The following STYK1 variants were observed in gnomAD, a reference collection of about 807,000 sequenced individuals.
The protein encoded by STYK1 is STY kinase 1.
A neutral mutation model predicts 48.1 loss-of-function variants in STYK1; 46 were observed. The ratio of observed to expected loss-of-function variants is 0.96; its 90% confidence interval spans 0.75 to 1.22. The LOEUF is 1.22. STYK1 is among the 50% of genes most tolerant of loss of function. The probability of loss-of-function intolerance (pLI) is 0.00; values close to 1 mark genes in which losing one functional copy is unlikely to be tolerated. For synonymous variants in STYK1, 188 were observed against 189.0 expected, an observed-to-expected ratio of 0.99 and a Z score of 0.04; for missense variants, 527 against 521.1, an observed-to-expected ratio of 1.01 and a Z score of -0.11.
rs78173817 is a variant in STYK1 at position 10,647,288 on chromosome 12, T to C, written c.-194-10092A>G. 5.9e-4 allele frequency among the ~76,000 whole-genome samples: 90 copies of C among 152,288 alleles called. No individual in the cohort carries two copies. In the East Asian group the frequency reaches 0.016, roughly 27 times the overall value. On this transcript the variant is annotated intron_variant, in intron 1 of 10. Transcript: ENST00000075503. Reference sequence around the variant, plus strand: ...TCAGCAGCAGAGCTGCCCAAGACCATGGGAACCCCCCTCTGGAATCACCAT... The same window carrying C: ...TCAGCAGCAGAGCTGCCCAAGACCACGGGAACCCCCCTCTGGAATCACCAT...
intron 1 of STYK1, among the ~76,000 whole-genome samples, chr12:10,647,087 C>T (rs1021989153): frequency 1.3e-5 from 2 of 152,242 alleles, no homozygotes; most frequent in African/African-American, 4.8e-5. Context: ...GTCGAGCCCC[C>T]ACACAATGTC....
intron 7 of STYK1, among the ~76,000 whole-genome samples, chr12:10,625,468 CG>C (rs1947348326): frequency 6.6e-6 from 1 of 152,176 alleles, no homozygotes; most frequent in African/African-American, 2.4e-5. Context: ...CTGCCCTCCT[CG>C]GCCTCCCAAA....
intron 1 of STYK1, among the ~76,000 whole-genome samples, chr12:10,645,450 G>A (rs1035570235): frequency 1.1e-4 from 17 of 151,432 alleles, no homozygotes; most frequent in South Asian, 8.3e-4. Flanking sequence ...CCAACATGCA[G>A]TAATCTCTCA....
intron 4 of STYK1, among the ~76,000 whole-genome samples, chr12:10,633,467 G>C (rs1947451195): frequency 6.6e-6 from 1 of 152,096 alleles, no homozygotes; most frequent in Non-Finnish European, 1.5e-5. Flanking sequence ...TTTTTACCCT[G>C]AGTTTCATCT....
intron 5 of STYK1, 40 bp downstream of exon 5, chr12:10,631,005 A>C: frequency 6.2e-7 from 1 of 1,604,040 alleles, no homozygotes; most frequent in Non-Finnish European, 8.5e-7. Flanking sequence ...GTTAATATTT[A>C]CTGTTAGGGG....
In STYK1 at chr12:10,627,734, C is replaced by T. The variant is rs570958785; in HGVS notation, c.634-10G>A. On this transcript the variant is annotated splice_polypyrimidine_tract_variant and intron_variant, in intron 6 of 10. Coordinates refer to ENST00000075503, the MANE Select transcript of STYK1 (RefSeq NM_018423.3). ...CCATAGTCATCACATCCTAAAGAGA[C>T]AGGGAAAAAAAGCCATTATATCAAA... is the stretch of plus-strand genomic sequence containing the variant. 6.3e-7 allele frequency: 1 copy of T among 1,594,030 alleles called. No individual in the cohort carries two copies. The highest frequency in any genetic ancestry group is 1.4e-5 in the African/African-American group (1 of 73,550).
rs371146305 is a variant in STYK1 at position 10,622,698 on chromosome 12, A to G, written c.927-20T>C. Reference sequence around the variant, plus strand: ...GACCAGCTGTAAAAGAAACAAAGCCATCTATTTAATTTCTATTTCTGTTTT... The same window carrying G: ...GACCAGCTGTAAAAGAAACAAAGCCGTCTATTTAATTTCTATTTCTGTTTT... On this transcript the variant is annotated intron_variant, in intron 8 of 10. Transcript: ENST00000075503. 44 of 1,613,742 alleles carry G rather than the reference A, an allele frequency of 2.7e-5. No homozygotes were observed. Among genetic ancestry groups the G allele is most frequent in the Non-Finnish European group, 3.6e-5 (43 of 1,179,810 alleles).
intron 1 of STYK1, among the ~76,000 whole-genome samples, chr12:10,666,333 C>T (rs979543177): frequency 6.6e-6 from 1 of 152,166 alleles, no homozygotes; most frequent in Non-Finnish European, 1.5e-5. Flanking sequence ...CTCTAAACAC[C>T]AAATTAGCAC....
intron 7 of STYK1, 99 bp from the exon 8 acceptor site, chr12:10,624,958 A>AT: frequency 1.0e-6 from 1 of 999,366 alleles, no homozygotes. Flanking sequence ...ACACAAGGAC[A>AT]TTTTCTACTC....
chr12:10,650,949 G>C (rs933229335), intron 1 of STYK1, among the ~76,000 whole-genome samples: 6 of 150,840 alleles, frequency 4.0e-5, no homozygotes, highest in African/African-American at 1.5e-4. Flanking sequence ...AGGTTGCAGT[G>C]AGCCAAGATC....
At chr12:10,664,995 T>C (rs1565575347) in intron 1 of STYK1, among the ~76,000 whole-genome samples, 2 of 152,114 alleles carry the variant, frequency 1.3e-5, no homozygotes, top group South Asian at 2.1e-4. Flanking sequence ...GAATCAGAGA[T>C]CTAATCAGAT....
chr12:10,673,098 G>T (rs1947906729), intron 1 of STYK1, among the ~76,000 whole-genome samples: 1 of 152,008 alleles, frequency 6.6e-6, no homozygotes, highest in Admixed American at 6.5e-5. Flanking sequence ...AGCAACAATC[G>T]CATAAATGAA....
chr12:10,658,427 G>A (rs752611617), intron 1 of STYK1, among the ~76,000 whole-genome samples: 8 of 152,190 alleles, frequency 5.3e-5, no homozygotes, highest in Non-Finnish European at 1.0e-4. Context: ...AAGAGACATT[G>A]TGTGGAAAGC....
At chr12:10,661,723 A>C (rs1266784494) in intron 1 of STYK1, among the ~76,000 whole-genome samples, 2 of 152,258 alleles carry the variant, frequency 1.3e-5, no homozygotes, top group Non-Finnish European at 2.9e-5. Flanking sequence ...ACAGCTAGTA[A>C]GCAGTGAAGA....
chr12:10,636,388 C>T (rs1181466335), intron 2 of STYK1, among the ~76,000 whole-genome samples: 1 of 152,200 alleles, frequency 6.6e-6, no homozygotes, highest in African/African-American at 2.4e-5. Context: ...GAAGAGGGAA[C>T]TTCTTATCCT....
In STYK1 at chr12:10,634,089, G is replaced by A. The variant is rs866593907; in HGVS notation, c.88C>T (p.Pro30Ser). ...QEKQYEVIIV[P>S]TLLVTIFLIL... is the part of the protein sequence containing the mutation. ...AGGAAGATAGTAACCAACAAAGTTG[G>A]GACGATAATCACTTCATACTGCTTC... Residue 30 changes from proline to serine, a missense_variant, in exon 4 of 11, where the codon CCA becomes TCA. Coordinates refer to ENST00000075503, the MANE Select transcript of STYK1 (RefSeq NM_018423.3). 1.9e-6 allele frequency: 3 copies of A among 1,614,088 alleles called. No individual in the cohort carries two copies. The highest frequency in any genetic ancestry group is 2.5e-6 in the Non-Finnish European group (3 of 1,180,002).
intron 1 of STYK1, among the ~76,000 whole-genome samples, chr12:10,647,925 C>T (rs1256537914): frequency 6.6e-6 from 1 of 152,204 alleles, no homozygotes; most frequent in East Asian, 1.9e-4. Context: ...TAAGGCCTCC[C>T]CAGCCACTCA....
chr12:10,636,638 A>C (rs1056091005), intron 2 of STYK1, among the ~76,000 whole-genome samples: 1 of 152,236 alleles, frequency 6.6e-6, no homozygotes, highest in African/African-American at 2.4e-5. Context: ...CGGTGAATTC[A>C]GGAAGGCTAT....
At chr12:10,645,025 A>C (rs1281811867) in intron 1 of STYK1, among the ~76,000 whole-genome samples, 1 of 152,148 alleles carries the variant, frequency 6.6e-6, no homozygotes, top group African/African-American at 2.4e-5. Flanking sequence ...TACATGAAGG[A>C]AGAGGAATTG....
Sources: gnomAD v4.1 joint callset for allele counts (sites outside exome capture counted in the v4.1 genomes callset) on GRCh38, gnomAD v4.1.1 for gene constraint, MANE v1.5 for transcripts, NCBI Gene and HGNC (gene_info 2026-07-23, HGNC 2026-07-21) for gene names.